Variants in CTNNA2 observed in about 807,000 individuals in gnomAD.
CTNNA2 encodes the protein catenin alpha 2.
In CTNNA2, 42 loss-of-function variants were observed where a neutral mutation model predicts 101.0. The ratio of observed to expected loss-of-function variants is 0.42; its 90% CI spans 0.32 to 0.54. The LOEUF is 0.54. Among genes scored for constraint, CTNNA2 ranks in the 20% least tolerant of loss-of-function variants. CTNNA2 has a pLI of 0.14. For missense variants in CTNNA2, 871 were observed against 1,223.1 expected (o/e 0.71, Z 4.29); for synonymous variants, 450 against 456.4 (o/e 0.99, Z 0.18).
chr2:79,972,689 T>C (rs1035756696), intron 7 of CTNNA2, among the ~76,000 whole-genome samples: 1 of 152,212 alleles, frequency 6.6e-6, no homozygotes, highest in African/African-American at 2.4e-5. Flanking sequence ...GTCATATCAC[T>C]TTCTATTGCA....
intron 1 of CTNNA2, among the ~76,000 whole-genome samples, chr2:79,601,300 A>G (rs1197208353): frequency 6.6e-6 from 1 of 152,196 alleles, no homozygotes; most frequent in East Asian, 1.9e-4. Context: ...TCTTTGGATG[A>G]CTGGTAAGGA....
chr2:80,640,533 T>TATTA (rs1250426763), intron 18 of CTNNA2, among the ~76,000 whole-genome samples: 7 of 152,208 alleles, frequency 4.6e-5, no homozygotes, highest in South Asian at 2.1e-4. Context: ...TTGAGTTATT[T>TATTA]ATTACCCTGG....
Position 80,555,825 on chromosome 2 carries a change from T to C in CTNNA2, c.1673T>C (p.Met558Thr), listed in dbSNP as rs760685287. The C allele has an allele frequency of 1.3e-6, 2 of 1,595,324 alleles. No homozygotes were observed. The highest frequency in any genetic ancestry group is 1.3e-5 in the African/African-American group (1 of 74,464). Reference sequence around the variant, plus strand: ...GTCATACACATCATCAATGCTGAGATGGAGAACTATGAAGCTGGGGTTTAT... The same window carrying C: ...GTCATACACATCATCAATGCTGAGACGGAGAACTATGAAGCTGGGGTTTAT... ...ARVIHIINAEMENYEAGVYTE... is the reference protein window; with the variant it reads ...ARVIHIINAETENYEAGVYTE... Residue 558 changes from methionine to threonine, a missense_variant, in exon 12 of 19, where the codon ATG becomes ACG. Met to Thr is a moderately conservative substitution (Grantham distance 81). Transcript: ENST00000402739.
At chr2:80,409,205 CCAA>C (rs541699115) in intron 8 of CTNNA2, among the ~76,000 whole-genome samples, 6,378 of 152,136 alleles carry the variant, frequency 0.042, 329 homozygotes, top group African/African-American at 0.12. Context: ...TTTTGAAATG[CCAA>C]CTCTTCTGGG....
intron 1 of CTNNA2, among the ~76,000 whole-genome samples, chr2:79,193,610 A>G (rs1391541398): frequency 1.4e-4 from 22 of 152,188 alleles, no homozygotes; most frequent in Admixed American, 1.4e-3. Context: ...TATGACTGAA[A>G]TTGCTCTTTG....
chr2:79,411,502 C>T (rs541215536), intron 4 of CTNNA2, among the ~76,000 whole-genome samples: 20 of 152,046 alleles, frequency 1.3e-4, no homozygotes, highest in South Asian at 6.2e-4. Context: ...AGAGAAAGGT[C>T]GGGTTACCCA....
chr2:79,850,219 C>G (rs528557637), intron 3 of CTNNA2, among the ~76,000 whole-genome samples: 123 of 149,590 alleles, frequency 8.2e-4, no homozygotes, highest in Non-Finnish European at 1.6e-3. Flanking sequence ...ATCCCTCCCT[C>G]GCTCCCTCTG....
intron 7 of CTNNA2, among the ~76,000 whole-genome samples, chr2:80,065,363 A>T (rs1440956704): frequency 1.4e-5 from 2 of 144,456 alleles, no homozygotes; most frequent in South Asian, 2.2e-4. Flanking sequence ...TCTCCATTCT[A>T]TTTTTTTTTT....
chr2:80,415,489 C>T, intron 8 of CTNNA2, among the ~76,000 whole-genome samples: 1 of 151,926 alleles, frequency 6.6e-6, no homozygotes, highest in Non-Finnish European at 1.5e-5. Flanking sequence ...TATTTTCAGT[C>T]TTTTTCATTA....
intron 8 of CTNNA2, among the ~76,000 whole-genome samples, chr2:80,406,085 C>T (rs1027122388): frequency 3.3e-5 from 5 of 152,114 alleles, no homozygotes; most frequent in African/African-American, 4.8e-5. Flanking sequence ...GGGCCACGCG[C>T]GGTGGCTCAC....
chr2:79,720,359 T>C (rs748385413), intron 2 of CTNNA2, among the ~76,000 whole-genome samples: 6 of 152,182 alleles, frequency 3.9e-5, no homozygotes, highest in Non-Finnish European at 8.8e-5. Flanking sequence ...TTGCTTAGGA[T>C]TGCTTAGGCA....
Position 79,522,678 on chromosome 2 carries a change from G to A in CTNNA2, c.-6+9471G>A, listed in dbSNP as rs1204877656. 2.0e-5 allele frequency among the ~76,000 whole-genome samples: 3 copies of A among 152,182 alleles called. No homozygotes were observed. In the East Asian group the frequency reaches 5.8e-4, roughly 29 times the overall value. The stretch of plus-strand genomic sequence containing the variant: ...CCTGCCAGGGAGATGAGATCAATGA[G>A]CACAGCAGTGGGAGAGGTGGAGAAA... On this transcript the variant is annotated intron_variant, in intron 1 of 18. Transcript: ENST00000402739.
intron 18 of CTNNA2, among the ~76,000 whole-genome samples, chr2:80,636,165 C>T (rs1672859444): frequency 6.6e-6 from 1 of 151,846 alleles, no homozygotes; most frequent in African/African-American, 2.4e-5. Flanking sequence ...GATTGTTGTA[C>T]TTATGTTCTG....
At chr2:79,437,759 T>G (rs1678733027) in intron 4 of CTNNA2, among the ~76,000 whole-genome samples, 1 of 152,180 alleles carries the variant, frequency 6.6e-6, no homozygotes, top group Admixed American at 6.5e-5. Context: ...GCGTTTCACT[T>G]TCTTTTTCAT....
chr2:79,655,103 G>C (rs911356288), intron 2 of CTNNA2, among the ~76,000 whole-genome samples: 1 of 152,176 alleles, frequency 6.6e-6, no homozygotes, highest in African/African-American at 2.4e-5. Context: ...TTTCATCACA[G>C]ATAGCTTGAG....
chr2:79,409,871 A>G (rs1294835287), intron 4 of CTNNA2, among the ~76,000 whole-genome samples: 1 of 151,880 alleles, frequency 6.6e-6, no homozygotes, highest in Non-Finnish European at 1.5e-5. Context: ...GATGGCATTG[A>G]ATCTATATAT....
chr2:80,558,556 A>T (rs776440716), intron 12 of CTNNA2, among the ~76,000 whole-genome samples: 1 of 152,080 alleles, frequency 6.6e-6, no homozygotes, highest in South Asian at 2.1e-4. Context: ...GAGACATAAG[A>T]TATATGTCCT....
chr2:80,537,837 C>T (rs532170558), intron 9 of CTNNA2, among the ~76,000 whole-genome samples: 124 of 152,282 alleles, frequency 8.1e-4, no homozygotes, highest in African/African-American at 2.6e-3. Flanking sequence ...AGATAATCCA[C>T]TCAACTCGGC....
intron 9 of CTNNA2, among the ~76,000 whole-genome samples, chr2:80,452,538 C>T (rs903219792): frequency 2.0e-5 from 3 of 151,600 alleles, no homozygotes; most frequent in East Asian, 1.9e-4. Flanking sequence ...GGGCAGCTGT[C>T]GGTGTTCTAA....
Sources: gnomAD v4.1 joint callset for allele counts (sites outside exome capture counted in the v4.1 genomes callset) on GRCh38, gnomAD v4.1.1 for gene constraint, MANE v1.5 for transcripts, NCBI Gene and HGNC (gene_info 2026-07-23, HGNC 2026-07-21) for gene names.